The following SHLD1 variants were observed in gnomAD, a reference collection of about 807,000 sequenced individuals.
The protein encoded by SHLD1 is shieldin complex subunit 1.
Under a neutral mutation model 5.5 loss-of-function variants are expected in SHLD1, and 3 were observed. The observed-to-expected ratio is 0.54, with a 90% CI of 0.25 to 1.40. The LOEUF is 1.40. SHLD1 is among the 40% of genes most tolerant of loss of function. The pLI is 0.15. For missense variants in SHLD1, 210 were observed against 244.4 expected (o/e 0.86, Z 0.94); for synonymous variants, 92 against 94.3 (o/e 0.98, Z 0.14).
At chr20:5,796,387 A>G (rs1275042127) in intron 2 of SHLD1, among the ~76,000 whole-genome samples, 1 of 148,986 alleles carries the variant, frequency 6.7e-6, no homozygotes, top group Non-Finnish European at 1.5e-5. Flanking sequence ...TTGCTAAACT[A>G]TGATTTGAGT....
intron 2 of SHLD1, among the ~76,000 whole-genome samples, chr20:5,835,475 C>T (rs2087778307): frequency 6.6e-6 from 1 of 152,188 alleles, no homozygotes. Context: ...CTGAGCACTG[C>T]AGAAGCTGTG....
At chr20:5,819,880 T>C (rs1225250924) in intron 2 of SHLD1, among the ~76,000 whole-genome samples, 2 of 152,056 alleles carry the variant, frequency 1.3e-5, no homozygotes, top group East Asian at 3.8e-4. Context: ...CACCTTTGTG[T>C]TGTGCCTAAA....
intron 2 of SHLD1, among the ~76,000 whole-genome samples, chr20:5,788,843 T>C (rs2087097806): frequency 6.6e-6 from 1 of 152,086 alleles, no homozygotes; most frequent in Non-Finnish European, 1.5e-5. Flanking sequence ...TGATGTCTAA[T>C]TTTTTTTGCT....
chr20:5,813,956 T>C (rs1323411952), intron 2 of SHLD1, among the ~76,000 whole-genome samples: 1 of 137,834 alleles, frequency 7.3e-6, no homozygotes, highest in Non-Finnish European at 1.6e-5. Flanking sequence ...TTTTTTTTTT[T>C]TTTTTTTTTT....
In SHLD1 at chr20:5,773,894, G is replaced by A. The variant is rs541379225; in HGVS notation, c.178+851G>A. Among the ~76,000 whole-genome samples the A allele has an allele frequency of 5.9e-5, 9 of 152,130 alleles. No homozygotes were observed. In the East Asian group the frequency reaches 1.5e-3, roughly 26 times the overall value. On this transcript the variant is annotated intron_variant, in intron 2 of 2. Transcript: ENST00000303142. ...CATCGATGGGTGCTCAGTCAATGTTGTTGTCGTTAATATTAAGAAATCCAA... is the reference window on the plus strand; with the variant it reads ...CATCGATGGGTGCTCAGTCAATGTTATTGTCGTTAATATTAAGAAATCCAA...
chr20:5,812,080 CTTTT>C (rs1200570680), intron 2 of SHLD1, among the ~76,000 whole-genome samples: 1 of 136,878 alleles, frequency 7.3e-6, no homozygotes, highest in African/African-American at 2.7e-5. Flanking sequence ...TTTTTTTTTT[CTTTT>C]TTTTTCTTTT....
chr20:5,752,162 G>A (rs1318626666), intron 1 of SHLD1, among the ~76,000 whole-genome samples: 10 of 152,128 alleles, frequency 6.6e-5, no homozygotes, highest in Admixed American at 5.2e-4. Flanking sequence ...TTGTGAGGCC[G>A]TGGCAGGCAG....
At chr20:5,752,405 A>C (rs1205600909) in intron 1 of SHLD1, among the ~76,000 whole-genome samples, 3 of 151,904 alleles carry the variant, frequency 2.0e-5, no homozygotes, top group African/African-American at 4.8e-5. Flanking sequence ...CAAAAAAAAA[A>C]AAAACAAAAA....
At chr20:5,841,202 T>TGTGTGTGTGC (rs1255991288) in intron 2 of SHLD1, among the ~76,000 whole-genome samples, 1 of 147,150 alleles carries the variant, frequency 6.8e-6, no homozygotes, top group Non-Finnish European at 1.5e-5. Context: ...TGTGTGTGTG[T>TGTGTGTGTGC]GCACATGCAT....
intron 2 of SHLD1, among the ~76,000 whole-genome samples, chr20:5,787,737 A>G (rs1260467129): frequency 1.3e-5 from 2 of 152,258 alleles, no homozygotes; most frequent in East Asian, 3.8e-4. Context: ...GTGAAACTTG[A>G]TAAGGTTTAA....
intron 2 of SHLD1, among the ~76,000 whole-genome samples, chr20:5,850,443 A>G (rs899810373): frequency 6.6e-6 from 1 of 151,064 alleles, no homozygotes; most frequent in Non-Finnish European, 1.5e-5. Flanking sequence ...CCCTGAAGTA[A>G]CTTTCTTCCT....
rs151170855 is a variant in SHLD1, at chr20:5,862,984, G to T, written c.179-40G>T. 3.2e-4 allele frequency: 478 copies of T among 1,508,572 alleles called. 3 individuals carry two copies. In the African/African-American group the frequency reaches 6.1e-3, roughly 19 times the overall value. 93.4% of individuals were successfully genotyped at this position (1,508,572 alleles called of 1,614,324 possible). On this transcript the variant is annotated intron_variant, in intron 2 of 2. Transcript: ENST00000303142. Reference sequence around the variant, plus strand: ...TCTTGGCTTGCTTTCTGATATTTTTGATTGTGTGTTTGAGTATTGGAATAC... The same window carrying T: ...TCTTGGCTTGCTTTCTGATATTTTTTATTGTGTGTTTGAGTATTGGAATAC...
intron 2 of SHLD1, among the ~76,000 whole-genome samples, chr20:5,816,022 A>C (rs1600149702): frequency 6.9e-6 from 1 of 145,764 alleles, no homozygotes; most frequent in East Asian, 2.2e-4. Context: ...CAGAGGTTGC[A>C]GTGAGCTGAG....
intron 2 of SHLD1, among the ~76,000 whole-genome samples, chr20:5,789,611 G>GA (rs1350647318): frequency 6.8e-4 from 98 of 144,472 alleles, no homozygotes; most frequent in Middle Eastern, 7.2e-3. Context: ...ACAAAATTGA[G>GA]AAAAAAAAAA....
intron 2 of SHLD1, among the ~76,000 whole-genome samples, chr20:5,832,255 G>T (rs186893968): frequency 0.014 from 2,168 of 152,274 alleles, 19 homozygotes; most frequent in Middle Eastern, 0.034. Context: ...TTCATTTCTA[G>T]AGAATAATGG....
In SHLD1 at chr20:5,857,666, C is replaced by G. The variant is rs574374606; in HGVS notation, c.179-5358C>G. On this transcript the variant is annotated intron_variant, in intron 2 of 2. Transcript: ENST00000303142. The stretch of plus-strand genomic sequence containing the variant: ...TCTACAAAAAATAGAAAAAAGTTAG[C>G]CGGACCTGGTGGCATGCACCTGTAG... Among the ~76,000 whole-genome samples the G allele has an allele frequency of 2.0e-5, 3 of 151,994 alleles. No individual in the cohort carries two copies. In the East Asian group the frequency reaches 5.8e-4, roughly 29 times the overall value.
intron 2 of SHLD1, among the ~76,000 whole-genome samples, chr20:5,799,756 G>A (rs530950884): frequency 4.0e-4 from 61 of 152,248 alleles, no homozygotes; most frequent in African/African-American, 1.4e-3. Flanking sequence ...TTCATGAAGT[G>A]TAAGTCTTTT....
intron 2 of SHLD1, among the ~76,000 whole-genome samples, chr20:5,795,866 T>C (rs2087205392): frequency 4.0e-5 from 6 of 150,960 alleles, no homozygotes. Flanking sequence ...GCACCTGTAG[T>C]CCCAGCTACT....
chr20:5,817,296 T>G (rs186898346), intron 2 of SHLD1, among the ~76,000 whole-genome samples: 4 of 152,236 alleles, frequency 2.6e-5, no homozygotes, highest in East Asian at 1.9e-4. Context: ...TTTGCTGCCT[T>G]TTTATAAAAA....
Sources: allele counts gnomAD v4.1 joint callset (sites outside exome capture counted in the v4.1 genomes callset), GRCh38; gene constraint gnomAD v4.1.1; transcripts MANE v1.5; gene names NCBI Gene and HGNC (gene_info 2026-07-23, HGNC 2026-07-21).